ANK1: variants seen among roughly 807,000 people sequenced by gnomAD.
ANK1 encodes the protein ankyrin-1.
In ANK1, 51 loss-of-function variants were observed where a neutral mutation model predicts 210.4. The observed-to-expected ratio is 0.24, with a 90% CI of 0.19 to 0.31. The LOEUF is 0.31. Among genes scored for constraint, ANK1 ranks in the 10% least tolerant of loss-of-function variants. The pLI is 1.00. For missense variants in ANK1, 2,051 were observed against 2,504.4 expected (o/e 0.82, Z 3.86); for synonymous variants, 967 against 1,025.9 (o/e 0.94, Z 1.10).
chr8:41,699,218 G>A lies in ANK1; in HGVS notation c.2558+234C>T, dbSNP rs547745200. 2.8e-3 allele frequency among the ~76,000 whole-genome samples: 428 copies of A among 152,278 alleles called. 1 individual carries two copies. The highest frequency in any genetic ancestry group is 8.7e-3 in the South Asian group (42 of 4,826). ...TGGGAGCCTGGGTGGGAGAGGAGGGGAGCCTGGAAGAGGAGCAGAGAGGCG... is the reference window on the plus strand; with the variant it reads ...TGGGAGCCTGGGTGGGAGAGGAGGGAAGCCTGGAAGAGGAGCAGAGAGGCG... On this transcript the variant is annotated intron_variant, in intron 23 of 42. Coordinates refer to ENST00000289734, the MANE Select transcript of ANK1 (RefSeq NM_000037.4).
chr8:41,728,752 AG>A (rs1415684002), intron 3 of ANK1, among the ~76,000 whole-genome samples: 1 of 152,222 alleles, frequency 6.6e-6, no homozygotes, highest in East Asian at 1.9e-4. Flanking sequence ...TAATACTGAA[AG>A]AAAAAAACAC....
chr8:41,684,584 G>A lies in ANK1; in HGVS notation c.4497C>T (p.His1499=), dbSNP rs370037242. ...QSRNLKPDRR[H]TDRDYSLSPS... ...GTGACAGCGAGTAGTCGCGGTCGGT[G>A]TGCCGCCTGTCTGGCTTCAAGTTGC... is the stretch of plus-strand genomic sequence containing the variant. The change falls in exon 37 of 43, where the codon CAC becomes CAT. Residue 1499 remains histidine, a synonymous_variant. Transcript: ENST00000289734. 10 of 1,613,830 alleles carry A rather than the reference G, an allele frequency of 6.2e-6. No individual in the cohort carries two copies. Among genetic ancestry groups the A allele is most frequent in the African/African-American group, 1.3e-5 (1 of 75,076 alleles).
intron 1 of ANK1, among the ~76,000 whole-genome samples, chr8:41,863,018 T>C (rs573986799): frequency 6.9e-6 from 1 of 144,520 alleles, no homozygotes; most frequent in Non-Finnish European, 1.5e-5. Flanking sequence ...TCTCTAAAAA[T>C]AAAAAATAAA....
At chr8:41,682,137 C>A (rs1053191892) in intron 37 of ANK1, among the ~76,000 whole-genome samples, 2 of 152,212 alleles carry the variant, frequency 1.3e-5, no homozygotes, top group African/African-American at 4.8e-5. Context: ...GGGTGGGCTC[C>A]GTGTCACCCC....
chr8:41,828,937 A>T (rs1464771858), intron 1 of ANK1: 1 of 152,268 alleles, frequency 6.6e-6, no homozygotes, highest in Non-Finnish European at 1.5e-5. Context: ...CTCGGGGCCC[A>T]TTCGGATCTG....
At chr8:41,741,876 T>A (rs1586625194) in intron 2 of ANK1, among the ~76,000 whole-genome samples, 1 of 152,188 alleles carries the variant, frequency 6.6e-6, no homozygotes, top group Admixed American at 6.5e-5. Flanking sequence ...CCCCATATGA[T>A]CTCTTTCCAC....
chr8:41,661,922 C>T lies in ANK1; in HGVS notation c.5498G>A (p.Arg1833Gln), dbSNP rs762089498. The T allele has an allele frequency of 1.5e-5, 24 of 1,613,858 alleles. No homozygotes were observed. The Admixed American group carries it at 1.8e-4, about 12-fold the overall frequency. Residue 1833 changes from arginine to glutamine, a missense_variant, in exon 41 of 43, where the codon CGA becomes CAA. Transcript: ENST00000289734. ...ATCGGCGCTGGACAAGTCTATCTGTCGAACCACCTTGCGAATGATCTAGGA... is the reference window on the plus strand; with the variant it reads ...ATCGGCGCTGGACAAGTCTATCTGTTGAACCACCTTGCGAATGATCTAGGA... ...VTKKIIRKVVRQIDLSSADAA... is the reference protein window; with the variant it reads ...VTKKIIRKVVQQIDLSSADAA...
At position 41,654,074 on chromosome 8, in the gene ANK1, C is replaced by T. The variant is rs1398088608; in HGVS notation, c.*1716G>A. 1 of 152,430 alleles carries T rather than the reference C, an allele frequency of 6.6e-6. No homozygotes were observed. The highest frequency in any genetic ancestry group is 1.5e-5 in the Non-Finnish European group (1 of 67,996). The allele number at this position is 152,430 out of a possible 1,614,324, so 9.4% of individuals were successfully genotyped here. On this transcript the variant is annotated 3_prime_UTR_variant, in exon 43 of 43. Transcript: ENST00000289734. ...GTTTAAGTGTGTCCCGAGGACACTC[C>T]CGCAGAGCGGCGGGGCGGACGGGGC...
intron 1 of ANK1, among the ~76,000 whole-genome samples, chr8:41,791,417 C>T (rs1358403275): frequency 6.6e-6 from 1 of 150,954 alleles, no homozygotes; most frequent in Non-Finnish European, 1.5e-5. Context: ...GATCCATTGG[C>T]AGGCACTAAC....
intron 37 of ANK1, among the ~76,000 whole-genome samples, chr8:41,675,255 C>T (rs1813761761): frequency 6.6e-6 from 1 of 152,178 alleles, no homozygotes; most frequent in Non-Finnish European, 1.5e-5. Context: ...CGCCATGACG[C>T]CTGGCCAATT....
At chr8:41,865,051 C>T (rs778490270) in intron 1 of ANK1, among the ~76,000 whole-genome samples, 7 of 152,162 alleles carry the variant, frequency 4.6e-5, no homozygotes, top group Admixed American at 6.5e-5. Context: ...TCCTACCAGT[C>T]GCAAGGTGGT....
At chr8:41,794,861 C>A (rs561143275) in intron 1 of ANK1, among the ~76,000 whole-genome samples, 10 of 152,100 alleles carry the variant, frequency 6.6e-5, no homozygotes, top group Non-Finnish European at 1.0e-4. Flanking sequence ...CACGCCACCA[C>A]GCCTGGCTAA....
chr8:41,890,244 T>G (rs7836244), intron 1 of ANK1, among the ~76,000 whole-genome samples: 45,682 of 152,110 alleles, frequency 0.3, 7,909 homozygotes, highest in African/African-American at 0.47. Context: ...CTGGAGGAAA[T>G]TCAGAGGCTT....
At chr8:41,726,031 T>A in intron 5 of ANK1, 85 bp from the exon 6 acceptor site, 1 of 1,486,756 alleles carries the variant, frequency 6.7e-7, no homozygotes, top group Non-Finnish European at 9.1e-7. Flanking sequence ...CCCTCGGGCT[T>A]ATGCTCCCAG....
At chr8:41,757,790 G>A (rs1229350770) in intron 2 of ANK1, among the ~76,000 whole-genome samples, 3 of 152,198 alleles carry the variant, frequency 2.0e-5, no homozygotes, top group Admixed American at 1.3e-4. Context: ...ACTTCTAAGC[G>A]AGGAGACCGC....
At chr8:41,744,643 T>TCTC (rs1477820879) in intron 2 of ANK1, among the ~76,000 whole-genome samples, 1 of 151,586 alleles carries the variant, frequency 6.6e-6, no homozygotes, top group Admixed American at 6.6e-5. Flanking sequence ...TTCACACCAT[T>TCTC]CTCCTGCCTC....
At chr8:41,866,234 T>C (rs568656568) in intron 1 of ANK1, among the ~76,000 whole-genome samples, 2 of 152,242 alleles carry the variant, frequency 1.3e-5, no homozygotes. Flanking sequence ...CTGTTACCCA[T>C]GCTGAAGTGC....
chr8:41,777,124 C>A (rs2150741928), intron 1 of ANK1, among the ~76,000 whole-genome samples: 1 of 152,288 alleles, frequency 6.6e-6, no homozygotes, highest in African/African-American at 2.4e-5. Context: ...AAACTGTCAA[C>A]CCTCAGCTGC....
At chr8:41,799,011 A>G (rs987900519), upstream of ANK1, among the ~76,000 whole-genome samples, 3 of 151,842 alleles carry the variant, frequency 2.0e-5, no homozygotes, top group South Asian at 2.1e-4. Flanking sequence ...AGCGCACCCC[A>G]TGGACGCTGG....
Sources: gnomAD v4.1 joint callset for allele counts (sites outside exome capture counted in the v4.1 genomes callset) on GRCh38, gnomAD v4.1.1 for gene constraint, MANE v1.5 for transcripts, NCBI Gene and HGNC (gene_info 2026-07-23, HGNC 2026-07-21) for gene names.